TECRL: variants seen among roughly 807,000 people sequenced by gnomAD.
TECRL encodes the protein trans-2,3-enoyl-CoA reductase-like.
In TECRL, 63 loss-of-function variants were observed where a neutral mutation model predicts 52.8. The ratio of observed to expected loss-of-function variants is 1.19; its 90% CI spans 0.97 to 1.47. TECRL has a LOEUF of 1.47. TECRL is among the 40% of genes most tolerant of loss of function. The pLI, the probability that TECRL is intolerant of heterozygous loss-of-function variation, is 0.00. For synonymous variants in TECRL, 164 were observed against 141.9 expected (o/e 1.16, Z -1.10); for missense variants, 482 against 429.6 (o/e 1.12, Z -1.08).
At chr4:64,404,100 G>A (rs1251371748) in intron 1 of TECRL, among the ~76,000 whole-genome samples, 1 of 151,280 alleles carries the variant, frequency 6.6e-6, no homozygotes, top group Non-Finnish European at 1.5e-5. Context: ...TTACTATCCT[G>A]TAATTATTTC....
At chr4:64,283,431 G>T (rs1278840956) in intron 9 of TECRL, among the ~76,000 whole-genome samples, 2 of 152,010 alleles carry the variant, frequency 1.3e-5, no homozygotes, top group African/African-American at 4.8e-5. Context: ...GCTGATGGTA[G>T]GTTCAGACAG....
At chr4:64,363,714 A>T (rs918007172) in intron 2 of TECRL, among the ~76,000 whole-genome samples, 1 of 152,190 alleles carries the variant, frequency 6.6e-6, no homozygotes, top group Non-Finnish European at 1.5e-5. Flanking sequence ...CAGTATAAGC[A>T]TGTCAGGGCA....
intron 1 of TECRL, among the ~76,000 whole-genome samples, chr4:64,394,345 A>G (rs987657941): frequency 1.3e-5 from 2 of 152,130 alleles, no homozygotes; most frequent in Non-Finnish European, 2.9e-5. Context: ...TTGTGTAGCT[A>G]GATTTTTAAA....
chr4:64,356,645 C>T (rs1453523645), intron 2 of TECRL, among the ~76,000 whole-genome samples: 1 of 152,130 alleles, frequency 6.6e-6, no homozygotes, highest in Non-Finnish European at 1.5e-5. Flanking sequence ...TATTATCACC[C>T]TGCTCTCCTA....
downstream of TECRL, among the ~76,000 whole-genome samples, chr4:64,277,260 G>T (rs558930805): frequency 5.9e-5 from 9 of 151,930 alleles, no homozygotes; most frequent in East Asian, 1.5e-3. Context: ...AGTCCTACAA[G>T]AATGTGCAAA....
chr4:64,338,326 T>A (rs1485702066), intron 2 of TECRL, among the ~76,000 whole-genome samples: 4 of 152,120 alleles, frequency 2.6e-5, no homozygotes, highest in South Asian at 2.1e-4. Context: ...AACCATAAAA[T>A]ACCTAGAAGA....
At chr4:64,399,369 G>A (rs770460154) in intron 1 of TECRL, among the ~76,000 whole-genome samples, 4 of 152,156 alleles carry the variant, frequency 2.6e-5, no homozygotes, top group Non-Finnish European at 5.9e-5. Flanking sequence ...AAAAAATGTA[G>A]CCTGGCCACA....
intron 8 of TECRL, among the ~76,000 whole-genome samples, chr4:64,297,623 A>G (rs1166936315): frequency 6.6e-6 from 1 of 151,220 alleles, no homozygotes; most frequent in Non-Finnish European, 1.5e-5. Flanking sequence ...TGGACTTGAC[A>G]TATGCTGACT....
chr4:64,321,277 T>G (rs1294349967), intron 4 of TECRL, among the ~76,000 whole-genome samples: 1 of 152,026 alleles, frequency 6.6e-6, no homozygotes, highest in Non-Finnish European at 1.5e-5. Flanking sequence ...AGATTAAAAT[T>G]AACAAATATT....
chr4:64,325,352 G>A (rs1037162150), intron 3 of TECRL, among the ~76,000 whole-genome samples: 2 of 152,096 alleles, frequency 1.3e-5, no homozygotes, highest in Non-Finnish European at 2.9e-5. Flanking sequence ...TATTTCTTTG[G>A]AGCACCAGGG....
At chr4:64,380,997 T>G (rs1308450592) in intron 1 of TECRL, among the ~76,000 whole-genome samples, 1 of 152,052 alleles carries the variant, frequency 6.6e-6, no homozygotes, top group Non-Finnish European at 1.5e-5. Context: ...GTGGTGTGGA[T>G]ATTTTAACAA....
chr4:64,340,772 T>A (rs989837973), intron 2 of TECRL, among the ~76,000 whole-genome samples: 1 of 152,176 alleles, frequency 6.6e-6, no homozygotes, highest in African/African-American at 2.4e-5. Context: ...GGGACCCAGC[T>A]GCCAGTCTCA....
At chr4:64,394,220 T>C (rs1723756702) in intron 1 of TECRL, among the ~76,000 whole-genome samples, 1 of 152,170 alleles carries the variant, frequency 6.6e-6, no homozygotes, top group Non-Finnish European at 1.5e-5. Flanking sequence ...AAATCATCAT[T>C]GCAGATAATA....
chr4:64,313,602 C>T (rs1276445723), intron 5 of TECRL, among the ~76,000 whole-genome samples: 1 of 149,968 alleles, frequency 6.7e-6, no homozygotes, highest in Admixed American at 6.7e-5. Context: ...CTGCCTCAGC[C>T]TCCCGAGTAG....
intron 1 of TECRL, among the ~76,000 whole-genome samples, chr4:64,405,902 A>C (rs1320883557): frequency 6.6e-6 from 1 of 152,152 alleles, no homozygotes; most frequent in East Asian, 1.9e-4. Flanking sequence ...TGATATACCC[A>C]GTAAGATAAG....
rs554650019 is a variant in TECRL, at chr4:64,399,480, T to C, written c.234+9638A>G. On this transcript the variant is annotated intron_variant, in intron 1 of 11. Coordinates refer to ENST00000381210, the MANE Select transcript of TECRL (RefSeq NM_001010874.5). ...GTGTAACTAAGAAGAAGGCAAGTGCTGATAGCCAAGACAATGAGAAAAAGG... is the reference window on the plus strand; with the variant it reads ...GTGTAACTAAGAAGAAGGCAAGTGCCGATAGCCAAGACAATGAGAAAAAGG... Among the ~76,000 whole-genome samples, 6 of 152,296 alleles carry C rather than the reference T, an allele frequency of 3.9e-5. No individual in the cohort carries two copies. In the South Asian group the frequency reaches 1.0e-3, roughly 26 times the overall value.
intron 9 of TECRL, among the ~76,000 whole-genome samples, chr4:64,285,932 C>T (rs750274471): frequency 6.6e-6 from 1 of 152,000 alleles, no homozygotes; most frequent in Non-Finnish European, 1.5e-5. Flanking sequence ...GATGAGAAGA[C>T]ACGATGAAAA....
intron 7 of TECRL, among the ~76,000 whole-genome samples, chr4:64,300,837 G>A (rs1011469893): frequency 8.0e-5 from 12 of 150,792 alleles, no homozygotes; most frequent in African/African-American, 2.7e-4. Flanking sequence ...TGTCATAACG[G>A]TAATTGAATC....
At chr4:64,346,450 G>A (rs546120058) in intron 2 of TECRL, among the ~76,000 whole-genome samples, 5 of 152,370 alleles carry the variant, frequency 3.3e-5, no homozygotes, top group African/African-American at 1.2e-4. Flanking sequence ...CTGAAATCTA[G>A]GTGGAGGTTC....
Sources: gnomAD v4.1 joint callset for allele counts (sites outside exome capture counted in the v4.1 genomes callset) on GRCh38, gnomAD v4.1.1 for gene constraint, MANE v1.5 for transcripts, NCBI Gene and HGNC (gene_info 2026-07-23, HGNC 2026-07-21) for gene names.